Variants in COL5A2 observed in about 807,000 individuals in gnomAD.
COL5A2 encodes the protein collagen type V alpha 2 chain, also known as collagen alpha-2(V) chain.
COL5A2 carries 23 observed loss-of-function variants against 208.2 expected under a neutral mutation model. That is an observed-to-expected ratio of 0.11 (90% CI 0.08 to 0.16). COL5A2 has a LOEUF of 0.16. Ranked by LOEUF, COL5A2 falls within the 10% of genes least tolerant of loss-of-function variation. The pLI is 1.00. For synonymous variants in COL5A2, 625 were observed against 628.5 expected, an observed-to-expected ratio of 0.99 and a Z score of 0.08; for missense variants, 1,590 against 1,956.4, an observed-to-expected ratio of 0.81 and a Z score of 3.53.
rs752033565 is a variant in COL5A2 at position 189,034,052 on chromosome 2, G to A, written c.*18C>T. The A allele has an allele frequency of 1.9e-6, 3 of 1,613,762 alleles. No individual in the cohort carries two copies. The highest frequency in any genetic ancestry group is 1.1e-5 in the South Asian group (1 of 91,080). ...GTCATTGATGGTGGTGCTCATTGTC[G>A]ATGTGTCTTGGCTTACTTTACACAA... On this transcript the variant is annotated 3_prime_UTR_variant, in exon 54 of 54. Coordinates refer to ENST00000374866, the MANE Select transcript of COL5A2 (RefSeq NM_000393.5).
At chr2:189,409,194 T>G in the COL5A2 span, among the ~76,000 whole-genome samples, 1 of 141,928 alleles carries the variant, frequency 7.0e-6, no homozygotes, top group Non-Finnish European at 1.5e-5. Flanking sequence ...TAGATTTTTA[T>G]AAATTTACTC....
chr2:189,056,462 T>G (rs1477846727), intron 35 of COL5A2, among the ~76,000 whole-genome samples: 3 of 152,234 alleles, frequency 2.0e-5, no homozygotes, highest in African/African-American at 7.2e-5. Flanking sequence ...CATTAAACAA[T>G]GCTTTGCAGT....
intron 1 of COL5A2, among the ~76,000 whole-genome samples, chr2:189,124,461 G>A (rs980937367): frequency 2.0e-5 from 3 of 152,122 alleles, no homozygotes; most frequent in African/African-American, 7.2e-5. Flanking sequence ...CGCAGGAAAT[G>A]AAATTTTTCC....
rs71020986 is a variant in COL5A2, at chr2:189,187,968, C to CAAAAAAAAA, written c.-42+37171_-42+37179dup. On this transcript the variant is annotated intron_variant, in intron 1 of 10. Coordinates refer to the COL5A2 transcript ENST00000649966. Reference sequence around the variant, plus strand: ...TGGGCAACGGAGCGAGACTCTGTCTCAAAAAAAAAAGTTACTATTAAAATT... The same window carrying CAAAAAAAAA: ...TGGGCAACGGAGCGAGACTCTGTCTCAAAAAAAAAAAAAAAAAAAGTTACTATTAAAATT... Among the ~76,000 whole-genome samples, 53 of 139,662 alleles carry CAAAAAAAAA rather than the reference C, an allele frequency of 3.8e-4. 2 individuals carry two copies. The highest frequency in any genetic ancestry group is 7.1e-4 in the South Asian group (3 of 4,224). 91.6% of individuals were successfully genotyped at this position (139,662 alleles called of 152,430 possible).
chr2:189,153,332 G>T (rs1688182015), intron 1 of COL5A2, among the ~76,000 whole-genome samples: 1 of 152,030 alleles, frequency 6.6e-6, no homozygotes, highest in Non-Finnish European at 1.5e-5. Context: ...ACAGCTATTT[G>T]GTAATAATAT....
the COL5A2 span, among the ~76,000 whole-genome samples, chr2:189,390,306 G>A: frequency 6.6e-6 from 1 of 152,056 alleles, no homozygotes; most frequent in Non-Finnish European, 1.5e-5. Flanking sequence ...ATACCTACAT[G>A]GTTGATCTGA....
In COL5A2 at chr2:189,179,552, A is replaced by G; in HGVS notation, c.53T>C (p.Leu18Ser). Residue 18 changes from leucine (L) to serine (S), a missense_variant, in exon 1 of 54, where the codon TTA becomes TCA. Transcript: ENST00000374866. ...GGCTTTTATTGAGACAAATTGCCCTAATAAAACAATAAGAATGAGGAGAGG... is the reference window on the plus strand; with the variant it reads ...GGCTTTTATTGAGACAAATTGCCCTGATAAAACAATAAGAATGAGGAGAGG... The part of the protein sequence containing the change: ...ARPLLILIVL[L>S]GQFVSIKAQE... 6.2e-7 allele frequency: 1 copy of G among 1,611,074 alleles called. No individual in the cohort carries two copies. Among genetic ancestry groups the G allele is most frequent in the Non-Finnish European group, 8.5e-7 (1 of 1,178,428 alleles).
the COL5A2 span, chr2:189,311,615 A>C: frequency 6.3e-6 from 6 of 948,108 alleles, no homozygotes; most frequent in Non-Finnish European, 8.3e-6. Context: ...CAGATTTCTC[A>C]TAGAGTCCAG....
chr2:189,036,882 G>C lies in COL5A2; in HGVS notation c.3926-79C>G, dbSNP rs527325473. ...TAAGTCTCCAAAAGAATTAACAGAGGGTTTGAAAATATACACTCACTGATT... is the reference window on the plus strand; with the variant it reads ...TAAGTCTCCAAAAGAATTAACAGAGCGTTTGAAAATATACACTCACTGATT... On this transcript the variant is annotated intron_variant, in intron 51 of 53. Transcript: ENST00000374866. The C allele has an allele frequency of 4.2e-5, 49 of 1,170,138 alleles. No individual in the cohort carries two copies. The African/African-American group carries it at 7.0e-4, about 17-fold the overall frequency. The allele number at this position is 1,170,138 out of a possible 1,614,324, so 72.5% of individuals were successfully genotyped here.
At chr2:189,405,981 C>A in the COL5A2 span, among the ~76,000 whole-genome samples, 4 of 152,144 alleles carry the variant, frequency 2.6e-5, no homozygotes, top group African/African-American at 9.7e-5. Flanking sequence ...TAGGTTAGTT[C>A]TTTCTAGAGT....
At chr2:189,313,224 A>C in the COL5A2 span, among the ~76,000 whole-genome samples, 5,619 of 152,292 alleles carry the variant, frequency 0.037, 119 homozygotes, top group Admixed American at 0.05. Context: ...AAACAGACCG[A>C]ATCTATGACT....
Position 189,082,590 on chromosome 2 carries a change from G to T in COL5A2, c.852+1394C>A, listed in dbSNP as rs144831592. Among the ~76,000 whole-genome samples, 681 of 152,322 alleles carry T rather than the reference G, an allele frequency of 4.5e-3. 6 individuals carry two copies. The highest frequency in any genetic ancestry group is 7.3e-3 in the Non-Finnish European group (494 of 68,032). ...TAGTTAACTTCAGTTTTTATGGTCT[G>T]CAAGAGAAATTCTCATGTGATTACA... On this transcript the variant is annotated intron_variant, in intron 12 of 53. Coordinates refer to ENST00000374866, the MANE Select transcript of COL5A2 (RefSeq NM_000393.5).
the COL5A2 span, among the ~76,000 whole-genome samples, chr2:189,308,242 C>T: frequency 6.1e-5 from 9 of 146,376 alleles, no homozygotes; most frequent in Admixed American, 4.2e-4. Flanking sequence ...CAAAATAAAC[C>T]GGTTCAGGCC....
intron 29 of COL5A2, 85 bp downstream of exon 29, chr2:189,062,780 C>T (rs7424947): frequency 2.7e-6 from 4 of 1,480,924 alleles, no homozygotes; most frequent in Non-Finnish European, 2.8e-6. Flanking sequence ...TGAAACTTAC[C>T]CATAAGTCTT....
intron 1 of COL5A2, among the ~76,000 whole-genome samples, chr2:189,132,699 T>A: frequency 6.6e-6 from 1 of 152,126 alleles, no homozygotes; most frequent in East Asian, 1.9e-4. Flanking sequence ...GGTGGGTGGA[T>A]CACTCAAGGT....
chr2:189,154,746 G>T (rs1374452536), intron 1 of COL5A2, among the ~76,000 whole-genome samples: 1 of 151,996 alleles, frequency 6.6e-6, no homozygotes, highest in Non-Finnish European at 1.5e-5. Context: ...TCAGGAGTGA[G>T]CCACCGTGCT....
At chr2:189,042,861 CA>C in intron 48 of COL5A2, 88 bp from the exon 49 acceptor site, 12 of 1,260,466 alleles carry the variant, frequency 9.5e-6, no homozygotes, top group Non-Finnish European at 1.4e-5. Flanking sequence ...TTGACTTTAG[CA>C]GCATGAACTA....
At chr2:189,312,668 C>T in the COL5A2 span, among the ~76,000 whole-genome samples, 2 of 152,166 alleles carry the variant, frequency 1.3e-5, no homozygotes, top group African/African-American at 4.8e-5. Flanking sequence ...CAGCCACCTC[C>T]CACAGGTGTG....
the COL5A2 span, among the ~76,000 whole-genome samples, chr2:189,354,745 G>T: frequency 6.6e-6 from 1 of 152,010 alleles, no homozygotes; most frequent in Admixed American, 6.6e-5. Flanking sequence ...TGTATTCATT[G>T]ATTTTTTGAA....
Sources: allele counts gnomAD v4.1 joint callset (sites outside exome capture counted in the v4.1 genomes callset), GRCh38; gene constraint gnomAD v4.1.1; transcripts MANE v1.5; gene names NCBI Gene and HGNC (gene_info 2026-07-23, HGNC 2026-07-21).